Variants in EXOC6 observed in about 807,000 individuals in gnomAD.
EXOC6 encodes SEC15-like 1.
EXOC6 carries 60 observed loss-of-function variants against 112.5 expected under a neutral mutation model. The observed-to-expected ratio is 0.53, with a 90% CI of 0.43 to 0.66. EXOC6 has a LOEUF of 0.66. Ranked by LOEUF, EXOC6 falls within the 30% of genes least tolerant of loss-of-function variation. EXOC6 has a pLI of 0.00. For synonymous variants in EXOC6, 295 were observed against 308.0 expected (o/e 0.96, Z 0.44); for missense variants, 855 against 957.1 (o/e 0.89, Z 1.41).
chr10:92,992,623 A>G (rs1398015352), intron 18 of EXOC6, among the ~76,000 whole-genome samples: 1 of 152,112 alleles, frequency 6.6e-6, no homozygotes, highest in Non-Finnish European at 1.5e-5. Context: ...TTCTTATATA[A>G]AATGGAAGAG....
chr10:92,892,183 C>G (rs937539252), intron 1 of EXOC6, among the ~76,000 whole-genome samples: 3 of 152,046 alleles, frequency 2.0e-5, no homozygotes, highest in Admixed American at 2.0e-4. Context: ...AAAGTTGTTA[C>G]ACTCATAGTT....
chr10:92,918,677 G>T (rs977065783), intron 7 of EXOC6, among the ~76,000 whole-genome samples: 2 of 152,032 alleles, frequency 1.3e-5, no homozygotes, highest in African/African-American at 4.8e-5. Flanking sequence ...TTCTGCTTTG[G>T]CCTCCTAAAG....
chr10:92,974,033 GT>G lies in EXOC6; in HGVS notation c.1774-18del. ...TTATTATCTGTTTCTTGTCTTTGTTGTTATTTTGTCCCATGTCAGGATGCTC... is the reference window on the plus strand; with the variant it reads ...TTATTATCTGTTTCTTGTCTTTGTTGTATTTTGTCCCATGTCAGGATGCTC... On this transcript the variant is annotated intron_variant, in intron 17 of 21. Coordinates refer to ENST00000260762, the MANE Select transcript of EXOC6 (RefSeq NM_019053.6). 6.4e-7 allele frequency: 1 copy of G among 1,550,802 alleles called. No homozygotes were observed. The highest frequency in any genetic ancestry group is 8.7e-7 in the Non-Finnish European group (1 of 1,152,742).
intron 1 of EXOC6, among the ~76,000 whole-genome samples, chr10:92,865,126 CTCAA>C (rs1164283227): frequency 1.3e-5 from 2 of 152,038 alleles, no homozygotes; most frequent in Admixed American, 6.6e-5. Flanking sequence ...TTTTGGAATT[CTCAA>C]TCAGTTTTAA....
intron 1 of EXOC6, among the ~76,000 whole-genome samples, chr10:92,873,542 A>G (rs1022931170): frequency 1.3e-5 from 2 of 152,200 alleles, no homozygotes; most frequent in Non-Finnish European, 2.9e-5. Context: ...ATATGAATGT[A>G]TCTTTTAAGA....
chr10:92,831,032 A>T (rs1384979507), upstream of EXOC6, among the ~76,000 whole-genome samples: 2 of 152,200 alleles, frequency 1.3e-5, no homozygotes, highest in Non-Finnish European at 2.9e-5. Context: ...TGTTCATTTA[A>T]TCTGTGCGAA....
In EXOC6 at chr10:93,013,040, GAAGAA is replaced by G. The variant is rs796730573; in HGVS notation, c.2096-1146_2096-1142del. On this transcript the variant is annotated intron_variant, in intron 19 of 21. Transcript: ENST00000260762. ...AGATCGAGAAAAAGAAAAAAAAGAAGAAGAAAAGAAAATTAGAAATTAATGGGGTG... is the reference window on the plus strand; with the variant it reads ...AGATCGAGAAAAAGAAAAAAAAGAAGAAGAAAATTAGAAATTAATGGGGTG... Among the ~76,000 whole-genome samples the G allele has an allele frequency of 2.0e-5, 3 of 151,546 alleles. No homozygotes were observed. The South Asian group carries it at 6.3e-4, about 32-fold the overall frequency.
chr10:92,903,996 T>G (rs1589802032), intron 5 of EXOC6, among the ~76,000 whole-genome samples: 1 of 152,194 alleles, frequency 6.6e-6, no homozygotes, highest in African/African-American at 2.4e-5. Context: ...TTACTGAACT[T>G]TGTACTGTTT....
intron 7 of EXOC6, among the ~76,000 whole-genome samples, chr10:92,917,611 A>G (rs1241027551): frequency 6.6e-6 from 1 of 151,174 alleles, no homozygotes; most frequent in African/African-American, 2.4e-5. Context: ...TACAGCCTGC[A>G]ACTTCTGGGT....
chr10:92,868,346 G>A (rs956578645), intron 1 of EXOC6, among the ~76,000 whole-genome samples: 1 of 152,036 alleles, frequency 6.6e-6, no homozygotes, highest in Admixed American at 6.6e-5. Flanking sequence ...ATTTGAGATG[G>A]TGCCATTATC....
intron 12 of EXOC6, among the ~76,000 whole-genome samples, chr10:92,939,052 G>C (rs1852512691): frequency 6.6e-6 from 1 of 152,094 alleles, no homozygotes; most frequent in Non-Finnish European, 1.5e-5. Flanking sequence ...AGAAACTGTA[G>C]AATAGCGCTG....
intron 5 of EXOC6, among the ~76,000 whole-genome samples, chr10:92,907,808 A>C (rs1850526819): frequency 6.6e-6 from 1 of 152,080 alleles, no homozygotes; most frequent in African/African-American, 2.4e-5. Flanking sequence ...TTAATATCTC[A>C]GGTATTATCA....
intron 21 of EXOC6, among the ~76,000 whole-genome samples, chr10:93,057,839 A>G (rs1846616989): frequency 1.3e-5 from 2 of 152,202 alleles, no homozygotes; most frequent in Admixed American, 6.5e-5. Flanking sequence ...AGGCAAAAAC[A>G]TCGCTATTTT....
chr10:92,911,658 A>G (rs537679378), intron 6 of EXOC6, among the ~76,000 whole-genome samples: 53 of 152,136 alleles, frequency 3.5e-4, no homozygotes, highest in Non-Finnish European at 6.9e-4. Context: ...TTTCCTCATA[A>G]AAGTTATCAA....
At chr10:92,836,243 TTGTC>T (rs1213549651) in intron 1 of EXOC6, among the ~76,000 whole-genome samples, 1 of 152,212 alleles carries the variant, frequency 6.6e-6, no homozygotes, top group Non-Finnish European at 1.5e-5. Flanking sequence ...TCTACAGACT[TTGTC>T]TGTCCTTAGA....
intron 5 of EXOC6, among the ~76,000 whole-genome samples, chr10:92,902,314 T>C (rs1345672269): frequency 6.6e-6 from 1 of 152,134 alleles, no homozygotes; most frequent in East Asian, 1.9e-4. Flanking sequence ...TTTTTTTCTT[T>C]CTGTTTTCTT....
chr10:92,883,958 G>A (rs1033568840), intron 1 of EXOC6, among the ~76,000 whole-genome samples: 5 of 152,018 alleles, frequency 3.3e-5, no homozygotes, highest in Admixed American at 2.6e-4. Flanking sequence ...GTGCAGTGGT[G>A]CGATCTTGGC....
chr10:93,051,022 A>G (rs1846264974), intron 20 of EXOC6, among the ~76,000 whole-genome samples: 1 of 152,168 alleles, frequency 6.6e-6, no homozygotes, highest in Non-Finnish European at 1.5e-5. Flanking sequence ...TAAATTAACC[A>G]CATAAATTCA....
intron 2 of EXOC6, 52 bp downstream of exon 2, chr10:92,893,572 T>G (rs1849609722): frequency 7.0e-7 from 1 of 1,437,816 alleles, no homozygotes; most frequent in Non-Finnish European, 9.5e-7. Context: ...ATTACTCAAG[T>G]CTTAGTTGAT....
Sources: gnomAD v4.1 joint callset for allele counts (sites outside exome capture counted in the v4.1 genomes callset) on GRCh38, gnomAD v4.1.1 for gene constraint, MANE v1.5 for transcripts, NCBI Gene and HGNC (gene_info 2026-07-23, HGNC 2026-07-21) for gene names.